DBT: variants seen among roughly 807,000 people sequenced by gnomAD.
DBT encodes lipoamide acyltransferase component of branched-chain alpha-keto acid dehydrogenase complex, mitochondrial.
In DBT, 40 loss-of-function variants were observed where a neutral mutation model predicts 51.3. The observed-to-expected ratio is 0.78, with a 90% CI of 0.61 to 1.02. The LOEUF is 1.02. Among genes scored for constraint, DBT ranks in the 50% least tolerant of loss-of-function variants. The pLI, the probability that DBT is intolerant of heterozygous loss-of-function variation, is 0.00. For synonymous variants in DBT, 181 were observed against 190.4 expected (o/e 0.95, Z 0.41); for missense variants, 510 against 580.2 (o/e 0.88, Z 1.24).
rs1304129915 is a variant in DBT, at chr1:100,190,712, A to G, written c.*5543T>C. ...TTGCTGATGGAGAACCACTTCTCGG[A>G]AAGAGAAACAAAAAGAAAGTGTGAG... On this transcript the variant is annotated 3_prime_UTR_variant, in exon 11 of 11. Coordinates refer to ENST00000370132, the MANE Select transcript of DBT (RefSeq NM_001918.5). The G allele has an allele frequency of 6.6e-6, 1 of 152,200 alleles. No individual in the cohort carries two copies. The highest frequency in any genetic ancestry group is 2.4e-5 in the African/African-American group (1 of 41,432). The allele number at this position is 152,200 out of a possible 1,614,324, so 9.4% of individuals were successfully genotyped here.
At chr1:100,220,527 C>G (rs1000169504) in intron 4 of DBT, among the ~76,000 whole-genome samples, 1 of 152,036 alleles carries the variant, frequency 6.6e-6, no homozygotes, top group African/African-American at 2.4e-5. Context: ...CCCAGTGGAG[C>G]TACAAAGAAA....
Position 100,199,362 on chromosome 1 carries a change from A to G in DBT, c.1282-2940T>C, listed in dbSNP as rs538119985. Among the ~76,000 whole-genome samples the G allele has an allele frequency of 3.9e-5, 6 of 152,344 alleles. No homozygotes were observed. The East Asian group carries it at 1.2e-3, about 29-fold the overall frequency. On this transcript the variant is annotated intron_variant, in intron 10 of 10. Coordinates refer to ENST00000370132, the MANE Select transcript of DBT (RefSeq NM_001918.5). ...CTAAATGAGTCTCACTTTGTTTAAA[A>G]TAACATTTTCAATTGGTTTTCTATT... is the stretch of plus-strand genomic sequence containing the variant.
intron 4 of DBT, among the ~76,000 whole-genome samples, chr1:100,226,285 T>C (rs1570830753): frequency 1.2e-3 from 1 of 806 alleles, no homozygotes; most frequent in Non-Finnish European, 0.016. Flanking sequence ...AATTATGCCT[T>C]TTTTTTTTTT....
At chr1:100,197,155 T>A (rs977412738) in intron 10 of DBT, 2 of 152,356 alleles carry the variant, frequency 1.3e-5, no homozygotes, top group Non-Finnish European at 1.5e-5. Flanking sequence ...AGACATAAAA[T>A]CATGCTGTCA....
chr1:100,225,823 T>A (rs1172348526), intron 4 of DBT, among the ~76,000 whole-genome samples: 6 of 18,754 alleles, frequency 3.2e-4, no homozygotes, highest in Non-Finnish European at 7.7e-4. Context: ...AGACTCCATC[T>A]CACAAAAAAA....
intron 2 of DBT, among the ~76,000 whole-genome samples, chr1:100,238,204 CCTTCCTCCCTCG>C (rs1664001479): frequency 2.8e-5 from 1 of 35,466 alleles, no homozygotes; most frequent in Admixed American, 5.1e-4. Context: ...TTCCTTCCCT[CCTTCCTCCCTCG>C]CTTCCTTTCC....
intron 10 of DBT, among the ~76,000 whole-genome samples, chr1:100,198,193 A>ATGAAATTC (rs1387065048): frequency 6.6e-6 from 1 of 152,254 alleles, no homozygotes; most frequent in East Asian, 1.9e-4. Context: ...TTAAAAATTA[A>ATGAAATTC]TGAAATTCTG....
chr1:100,200,310 G>C (rs1661361877), intron 10 of DBT, among the ~76,000 whole-genome samples: 1 of 152,166 alleles, frequency 6.6e-6, no homozygotes. Flanking sequence ...ACTGGGCAGA[G>C]CCCACTGCAG....
intron 8 of DBT, among the ~76,000 whole-genome samples, chr1:100,209,773 G>A (rs1557945771): frequency 6.6e-6 from 1 of 151,854 alleles, no homozygotes; most frequent in African/African-American, 2.4e-5. Context: ...TGTTGGCCAG[G>A]CTGGTCTCAA....
rs1660763877 is a variant in DBT at position 100,190,597 on chromosome 1, G to A, written c.*5658C>T. On this transcript the variant is annotated 3_prime_UTR_variant, in exon 11 of 11. Transcript: ENST00000370132. ...TCTGGATGTGAGGAAGAGACTGAAG[G>A]ATCAAAGTGGGGCAATGGGGGTTCA... 1 of 152,240 alleles carries A rather than the reference G, an allele frequency of 6.6e-6. No individual in the cohort carries two copies. 9.4% of individuals were successfully genotyped at this position (152,240 alleles called of 1,614,324 possible).
intron 3 of DBT, among the ~76,000 whole-genome samples, chr1:100,234,388 C>T (rs1210146420): frequency 6.6e-6 from 1 of 151,442 alleles, no homozygotes; most frequent in Admixed American, 6.6e-5. Context: ...GTAATCCCAA[C>T]ACTTCGGAAG....
At chr1:100,202,997 A>T (rs1357806584) in intron 10 of DBT, among the ~76,000 whole-genome samples, 1 of 152,222 alleles carries the variant, frequency 6.6e-6, no homozygotes, top group African/African-American at 2.4e-5. Flanking sequence ...AGAAAGCAGG[A>T]AAGATCTAAA....
Position 100,196,148 on chromosome 1 carries a change from A to G in DBT, c.*107T>C. On this transcript the variant is annotated 3_prime_UTR_variant, in exon 11 of 11. Coordinates refer to ENST00000370132, the MANE Select transcript of DBT (RefSeq NM_001918.5). ...TGTGCCTTAGATCCTTAATCATACG[A>G]TACAAATCATTTACAATATAAATTG... 1 of 1,007,290 alleles carries G rather than the reference A, an allele frequency of 9.9e-7. No homozygotes were observed. The allele number at this position is 1,007,290 out of a possible 1,614,324, so 62.4% of individuals were successfully genotyped here.
chr1:100,237,641 A>G (rs1338063940), intron 2 of DBT, among the ~76,000 whole-genome samples: 1 of 151,948 alleles, frequency 6.6e-6, no homozygotes, highest in African/African-American at 2.4e-5. Context: ...GAATTTATTA[A>G]TTTATTATTT....
rs1661039085 is a variant in DBT at position 100,195,556 on chromosome 1, A to G, written c.*699T>C. ...ACGGAAATGGAAAATATTTTTGTAT[A>G]TAAATTCCATTTCTTAATTAAGTAA... On this transcript the variant is annotated 3_prime_UTR_variant, in exon 11 of 11. Coordinates refer to ENST00000370132, the MANE Select transcript of DBT (RefSeq NM_001918.5). 1 of 152,306 alleles carries G rather than the reference A, an allele frequency of 6.6e-6. No homozygotes were observed. The highest frequency in any genetic ancestry group is 2.1e-4 in the South Asian group (1 of 4,836). The allele number at this position is 152,306 out of a possible 1,614,324, so 9.4% of individuals were successfully genotyped here.
intron 1 of DBT, among the ~76,000 whole-genome samples, chr1:100,241,747 G>A (rs1664227513): frequency 6.6e-6 from 1 of 152,126 alleles, no homozygotes; most frequent in Non-Finnish European, 1.5e-5. Flanking sequence ...GGCCAGGCGC[G>A]GTGGCTCACG....
chr1:100,235,496 A>G lies in DBT; in HGVS notation c.191T>C (p.Val64Ala). 6.3e-7 allele frequency: 1 copy of G among 1,587,562 alleles called. No homozygotes were observed. The highest frequency in any genetic ancestry group is 8.6e-7 in the Non-Finnish European group (1 of 1,157,088). ...AATGTCTGAGAGCTTGAACTGAACA[A>G]CCTGTCCACGGAGAGCTTCAAAGAC... ...LKTTAALRGQ[V>A]VQFKLSDIGE... is the part of the protein sequence containing the mutation. The change falls in exon 3 of 11, where the codon GTT (valine) becomes GCT (alanine). Residue 64 changes from valine (V) to alanine (A), a missense_variant. Physicochemically the swap from Val to Ala is moderately conservative, Grantham distance 64. Coordinates refer to ENST00000370132, the MANE Select transcript of DBT (RefSeq NM_001918.5).
In DBT at chr1:100,206,617, A is replaced by G. The variant is rs1661807258; in HGVS notation, c.1037T>C (p.Ile346Thr). The G allele has an allele frequency of 6.2e-7, 1 of 1,608,140 alleles. No homozygotes were observed. Among genetic ancestry groups the G allele is most frequent in the Non-Finnish European group, 8.5e-7 (1 of 1,174,686 alleles). The change falls in exon 9 of 11, where the codon ATA becomes ACA. Residue 346 changes from isoleucine to threonine, a missense_variant. Transcript: ENST00000370132. ...ITYKASHNIG[I>T]AMDTEQGLIV... ...CAAACCCTGCTCAGTATCCATTGCT[A>G]TCCCAATGTTATGAGAAGCCTAAAA...
At chr1:100,218,866 T>A in intron 4 of DBT, 119 bp from the exon 5 acceptor site, 1 of 716,456 alleles carries the variant, frequency 1.4e-6, no homozygotes, top group Non-Finnish European at 2.3e-6. Flanking sequence ...GTTTATAGTC[T>A]AAATGTATAA....
Sources: allele counts gnomAD v4.1 joint callset (sites outside exome capture counted in the v4.1 genomes callset), GRCh38; gene constraint gnomAD v4.1.1; transcripts MANE v1.5; gene names NCBI Gene and HGNC (gene_info 2026-07-23, HGNC 2026-07-21).